Variants in ZCCHC17 observed in about 807,000 individuals in gnomAD.
ZCCHC17 encodes the protein zinc finger CCHC-type containing 17.
A neutral mutation model predicts 30.6 loss-of-function variants in ZCCHC17; 18 were observed. That is an observed-to-expected ratio of 0.59 (90% CI 0.41 to 0.87). ZCCHC17 has a LOEUF of 0.87. Among genes scored for constraint, ZCCHC17 ranks in the 40% least tolerant of loss-of-function variants. The pLI is 0.00. For missense variants in ZCCHC17, 263 were observed against 284.2 expected (o/e 0.93, Z 0.54); for synonymous variants, 88 against 92.4 (o/e 0.95, Z 0.27).
intron 1 of ZCCHC17, among the ~76,000 whole-genome samples, chr1:31,302,236 AG>A (rs1646331627): frequency 6.6e-6 from 1 of 152,172 alleles, no homozygotes; most frequent in Admixed American, 6.5e-5. Context: ...TTAAAAAAAA[AG>A]AAAAAAGAAG....
At chr1:31,302,582 A>T (rs1479132206) in intron 1 of ZCCHC17, among the ~76,000 whole-genome samples, 1 of 152,180 alleles carries the variant, frequency 6.6e-6, no homozygotes, top group Non-Finnish European at 1.5e-5. Context: ...TTAGATTTAG[A>T]CCGTGTATTA....
chr1:31,346,894 C>G, intron 6 of ZCCHC17, 154 bp downstream of exon 6: 1 of 1,457,516 alleles, frequency 6.9e-7, no homozygotes. Context: ...CATCAGAGTT[C>G]ATGGGGTGAT....
At chr1:31,311,115 G>C (rs955729612) in intron 2 of ZCCHC17, among the ~76,000 whole-genome samples, 2 of 152,032 alleles carry the variant, frequency 1.3e-5, no homozygotes, top group Non-Finnish European at 2.9e-5. Context: ...AATTGAGCTG[G>C]GGTCTCACTA....
rs964647165 is a variant in ZCCHC17 at position 31,318,292 on chromosome 1, A to G, written c.67-817A>G. 1.5e-4 allele frequency: 219 copies of G among 1,418,498 alleles called. 5 individuals carry two copies. In the South Asian group the frequency reaches 2.6e-3, roughly 17 times the overall value. 87.9% of individuals were successfully genotyped at this position (1,418,498 alleles called of 1,614,324 possible). A position where few individuals can be genotyped will look rare whatever the true frequency, so the allele number is the denominator to read the frequency against. On this transcript the variant is annotated intron_variant, in intron 2 of 7. Coordinates refer to ENST00000344147, the MANE Select transcript of ZCCHC17 (RefSeq NM_016505.4). ...ATAATCATTTAGTGTTAAATTCAGC[A>G]TATAGTGACAACATTACCCTCGATC...
rs780252721 is a variant in ZCCHC17 at position 31,337,264 on chromosome 1, A to G, written c.214A>G (p.Ile72Val). 7 of 1,613,942 alleles carry G rather than the reference A, an allele frequency of 4.3e-6. No homozygotes were observed. In the South Asian group the frequency reaches 6.6e-5, roughly 15 times the overall value. Reference protein sequence around the residue: ...DVGDKVWVKLIGREMKNDRIK... With the variant: ...DVGDKVWVKLVGREMKNDRIK... ...TGGAGATAAAGTGTGGGTGAAGCTTATTGGCCGAGAGGTAAAGTTCTGTGC... is the reference window on the plus strand; with the variant it reads ...TGGAGATAAAGTGTGGGTGAAGCTTGTTGGCCGAGAGGTAAAGTTCTGTGC... The change falls in exon 4 of 8, where the codon ATT becomes GTT. Residue 72 changes from isoleucine to valine, a missense_variant. Coordinates refer to ENST00000344147, the MANE Select transcript of ZCCHC17 (RefSeq NM_016505.4).
At chr1:31,332,616 C>T (rs1638635971) in intron 3 of ZCCHC17, among the ~76,000 whole-genome samples, 1 of 151,768 alleles carries the variant, frequency 6.6e-6, no homozygotes, top group Non-Finnish European at 1.5e-5. Context: ...CTATTACTAC[C>T]ATACAGAGAT....
intron 7 of ZCCHC17, among the ~76,000 whole-genome samples, chr1:31,361,669 A>AG (rs1463765070): frequency 1.3e-5 from 2 of 150,624 alleles, no homozygotes; most frequent in South Asian, 4.2e-4. Context: ...TATGATCTAC[A>AG]TGAAGATCCC....
intron 7 of ZCCHC17, among the ~76,000 whole-genome samples, chr1:31,349,301 G>A (rs972806372): frequency 1.3e-5 from 2 of 152,086 alleles, no homozygotes; most frequent in African/African-American, 4.8e-5. Flanking sequence ...AAGATCTTCT[G>A]TAACCTTTCT....
intron 7 of ZCCHC17, among the ~76,000 whole-genome samples, chr1:31,362,285 C>CT (rs1639936710): frequency 6.6e-6 from 1 of 152,200 alleles, no homozygotes; most frequent in Non-Finnish European, 1.5e-5. Context: ...CTTCTAAGAC[C>CT]TGGTGTATCA....
At chr1:31,349,697 G>T (rs1639400956) in intron 7 of ZCCHC17, among the ~76,000 whole-genome samples, 1 of 152,130 alleles carries the variant, frequency 6.6e-6, no homozygotes, top group African/African-American at 2.4e-5. Context: ...ATACAAAATT[G>T]TGGTCATACT....
At chr1:31,321,305 T>C (rs1646854813) in intron 3 of ZCCHC17, among the ~76,000 whole-genome samples, 1 of 152,108 alleles carries the variant, frequency 6.6e-6, no homozygotes. Flanking sequence ...CTTATTCTCC[T>C]TCCTGCTGCC....
intron 2 of ZCCHC17, among the ~76,000 whole-genome samples, chr1:31,310,458 A>G (rs1043186734): frequency 1.3e-5 from 2 of 152,236 alleles, no homozygotes; most frequent in Admixed American, 6.5e-5. Context: ...TTGGAAACTT[A>G]ATCTCCAGTG....
intron 7 of ZCCHC17, among the ~76,000 whole-genome samples, chr1:31,351,526 A>G (rs1364932140): frequency 6.6e-6 from 1 of 151,870 alleles, no homozygotes; most frequent in Non-Finnish European, 1.5e-5. Flanking sequence ...GGATAGCCCA[A>G]GTCCAGGAGT....
At chr1:31,337,010 T>G in intron 3 of ZCCHC17, 165 bp from the exon 4 acceptor site, 1 of 551,826 alleles carries the variant, frequency 1.8e-6, no homozygotes, top group Non-Finnish European at 3.2e-6. Flanking sequence ...TGTTGGTTGA[T>G]TGGGTATAAA....
intron 3 of ZCCHC17, chr1:31,333,306 G>A (rs1402414645): frequency 9.6e-6 from 1 of 103,880 alleles, no homozygotes; most frequent in Non-Finnish European, 2.4e-5. Flanking sequence ...GGTGGATCAA[G>A]AGATCAGGAG....
At chr1:31,311,482 C>T (rs1032263308) in intron 2 of ZCCHC17, among the ~76,000 whole-genome samples, 4 of 152,142 alleles carry the variant, frequency 2.6e-5, no homozygotes, top group Non-Finnish European at 5.9e-5. Flanking sequence ...TAACAAAATA[C>T]CTGAGATTGG....
chr1:31,350,922 C>T (rs530542566), intron 7 of ZCCHC17, among the ~76,000 whole-genome samples: 7 of 152,210 alleles, frequency 4.6e-5, no homozygotes, highest in South Asian at 2.1e-4. Flanking sequence ...TTTTCATTTT[C>T]GAAGTGGGAT....
chr1:31,337,707 A>G (rs1478280483), intron 4 of ZCCHC17, among the ~76,000 whole-genome samples: 1 of 152,138 alleles, frequency 6.6e-6, no homozygotes, highest in East Asian at 1.9e-4. Context: ...GCACCATGCA[A>G]TGTGCAGAAA....
At chr1:31,322,080 A>G (rs894294787) in intron 3 of ZCCHC17, among the ~76,000 whole-genome samples, 1 of 152,240 alleles carries the variant, frequency 6.6e-6, no homozygotes, top group African/African-American at 2.4e-5. Flanking sequence ...ATACAGAAAC[A>G]CAAATGAGTA....
Sources: gnomAD v4.1 joint callset for allele counts (sites outside exome capture counted in the v4.1 genomes callset) on GRCh38, gnomAD v4.1.1 for gene constraint, MANE v1.5 for transcripts, NCBI Gene and HGNC (gene_info 2026-07-23, HGNC 2026-07-21) for gene names.